Variants in MLLT1 observed in about 807,000 individuals in gnomAD.
The protein encoded by MLLT1 is protein ENL.
A neutral mutation model predicts 55.1 loss-of-function variants in MLLT1; 11 were observed. The ratio of observed to expected loss-of-function variants is 0.20; its 90% CI spans 0.13 to 0.33. The LOEUF is 0.33. Ranked by LOEUF, MLLT1 falls within the 10% of genes least tolerant of loss-of-function variation. The pLI is 1.00. For missense variants in MLLT1, 536 were observed against 760.6 expected, an observed-to-expected ratio of 0.70 and a Z score of 3.47; for synonymous variants, 323 against 320.1, an observed-to-expected ratio of 1.01 and a Z score of -0.10.
chr19:6,227,296 G>A lies in MLLT1; in HGVS notation c.421-194C>T, dbSNP rs1216977419. 1.3e-5 allele frequency among the ~76,000 whole-genome samples: 2 copies of A among 152,142 alleles called. No individual in the cohort carries two copies. Among genetic ancestry groups the A allele is most frequent in the Non-Finnish European group, 2.9e-5 (2 of 68,042 alleles). Reference sequence around the variant, plus strand: ...ACGCAGAAGAAGCAGGCATGGGTGGGGAGCGAAGAAAAGCCCAGGGTCCCA... The same window carrying A: ...ACGCAGAAGAAGCAGGCATGGGTGGAGAGCGAAGAAAAGCCCAGGGTCCCA... On this transcript the variant is annotated intron_variant, in intron 4 of 11. Coordinates refer to ENST00000252674, the MANE Select transcript of MLLT1 (RefSeq NM_005934.4). The surrounding 1 kb of genome is among the most constrained non-coding windows in gnomAD (Gnocchi z 5.1).
intron 3 of MLLT1, among the ~76,000 whole-genome samples, chr19:6,244,765 G>A (rs2091151102): frequency 6.6e-6 from 1 of 152,062 alleles, no homozygotes; most frequent in Admixed American, 6.5e-5. Flanking sequence ...TTAATGAGAG[G>A]GAAGGGCAAA....
At chr19:6,252,055 G>A (rs1368940730) in intron 3 of MLLT1, among the ~76,000 whole-genome samples, 10 of 152,234 alleles carry the variant, frequency 6.6e-5, no homozygotes, top group Admixed American at 2.0e-4. Flanking sequence ...AAGTCGGGCC[G>A]AGGAGGGAAG....
At chr19:6,269,156 C>T (rs1329397761) in intron 2 of MLLT1, among the ~76,000 whole-genome samples, 4 of 152,224 alleles carry the variant, frequency 2.6e-5, no homozygotes, top group Non-Finnish European at 5.9e-5. Flanking sequence ...AACACCTATG[C>T]GGGCGGGCAT....
intron 8 of MLLT1, among the ~76,000 whole-genome samples, chr19:6,214,932 C>T (rs2090824412): frequency 6.6e-6 from 1 of 152,202 alleles, no homozygotes; most frequent in East Asian, 1.9e-4. Context: ...CTTAAACTTG[C>T]CCCTCAGTGG....
At chr19:6,261,526 T>A (rs982151627) in intron 3 of MLLT1, among the ~76,000 whole-genome samples, 7 of 149,426 alleles carry the variant, frequency 4.7e-5, no homozygotes, top group African/African-American at 1.7e-4. Context: ...GCTGCACTTG[T>A]GGGAAAGCAG....
intron 10 of MLLT1, 117 bp from the exon 11 acceptor site, chr19:6,213,525 C>A: frequency 9.2e-7 from 1 of 1,086,852 alleles, no homozygotes; most frequent in Non-Finnish European, 1.4e-6. Flanking sequence ...TAGCCACATC[C>A]AAACCAAGGA....
chr19:6,213,432 G>A, intron 10 of MLLT1, 24 bp from the exon 11 acceptor site: 1 of 1,585,844 alleles, frequency 6.3e-7, no homozygotes, highest in South Asian at 1.1e-5. Flanking sequence ...GCAGGTCTCA[G>A]CAGCGTGTGG....
Position 6,270,315 on chromosome 19 carries a change from C to T in MLLT1, c.193+264G>A, listed in dbSNP as rs1600219527. 6.6e-6 allele frequency among the ~76,000 whole-genome samples: 1 copy of T among 152,384 alleles called. No individual in the cohort carries two copies. The highest frequency in any genetic ancestry group is 6.5e-5 in the Admixed American group (1 of 15,310). ...CTTCACCTGTCCCACCCATGCCAAC[C>T]TGGCTGTGCTCCCTGGCTGCTTCCC... On this transcript the variant is annotated intron_variant, in intron 2 of 11. Transcript: ENST00000252674. This position sits in a 1 kb window ranked among gnomAD's most constrained non-coding sequence, Gnocchi z 7.1.
At chr19:6,249,859 C>T (rs2091199035) in intron 3 of MLLT1, among the ~76,000 whole-genome samples, 1 of 151,958 alleles carries the variant, frequency 6.6e-6, no homozygotes, top group Admixed American at 6.6e-5. Context: ...CTCATCTCTA[C>T]AAAAATACAA....
intron 8 of MLLT1, 75 bp from the exon 9 acceptor site, chr19:6,214,113 CTGCCCCGCACGG>C: frequency 1.1e-6 from 1 of 945,528 alleles, no homozygotes; most frequent in Non-Finnish European, 1.5e-6. Flanking sequence ...GCTCAAGCCT[CTGCCCCGCACGG>C]AGTCGGTGCC....
chr19:6,250,581 C>A (rs1039680877), intron 3 of MLLT1, among the ~76,000 whole-genome samples: 1 of 152,198 alleles, frequency 6.6e-6, no homozygotes, highest in Non-Finnish European at 1.5e-5. Context: ...ACTCATCATG[C>A]CGAATACAAT....
rs1479761986 is a variant in MLLT1 at position 6,226,733 on chromosome 19, G to T, written c.546+244C>A. Among the ~76,000 whole-genome samples, 1 of 152,186 alleles carries T rather than the reference G, an allele frequency of 6.6e-6. No homozygotes were observed. Among genetic ancestry groups the T allele is most frequent in the Admixed American group, 6.5e-5 (1 of 15,288 alleles). On this transcript the variant is annotated intron_variant, in intron 5 of 11. Transcript: ENST00000252674. The surrounding 1 kb of genome is among the most constrained non-coding windows in gnomAD (Gnocchi z 6.3). ...GCCATCACTTGGCAGAACGGGAGAG[G>T]ACTAGGCAGGGTCTCTGGCCTCAAG...
At position 6,227,228 on chromosome 19, in the gene MLLT1, A is replaced by G; in HGVS notation, c.421-126T>C. On this transcript the variant is annotated intron_variant, in intron 4 of 11. Coordinates refer to ENST00000252674, the MANE Select transcript of MLLT1 (RefSeq NM_005934.4). The surrounding 1 kb of genome is among the most constrained non-coding windows in gnomAD (Gnocchi z 5.1). ...AAGGGAGAGCCTGAGCGCTTTCCCG[A>G]AAGAATCCCAGGTGCTTCCCTGCTG... 1 of 996,486 alleles carries G rather than the reference A, an allele frequency of 1.0e-6. No individual in the cohort carries two copies. Among genetic ancestry groups the G allele is most frequent in the South Asian group, 1.8e-5 (1 of 55,380 alleles). The allele number at this position is 996,486 out of a possible 1,614,324, so 61.7% of individuals were successfully genotyped here. A position where few individuals can be genotyped will look rare whatever the true frequency, so the allele number is the denominator to read the frequency against.
rs2091002281 is a variant in MLLT1 at position 6,230,857 on chromosome 19, C to T, written c.277-144G>A. On this transcript the variant is annotated intron_variant, in intron 3 of 11. Transcript: ENST00000252674. This position sits in a 1 kb window ranked among gnomAD's most constrained non-coding sequence, Gnocchi z 9.0. ...ATTTGCGCCCACTTCTCTCTCAGGG[C>T]ACCTCCTGCCCTGCCCTTATTCAAA... 3 of 1,034,558 alleles carry T rather than the reference C, an allele frequency of 2.9e-6. No individual in the cohort carries two copies. Among genetic ancestry groups the T allele is most frequent in the Non-Finnish European group, 4.2e-6 (3 of 706,186 alleles). The allele number at this position is 1,034,558 out of a possible 1,614,324, so 64.1% of individuals were successfully genotyped here.
rs1206615070 is a variant in MLLT1, at chr19:6,270,554, G to T, written c.193+25C>A. ...GAAGACAGATGGGTCCGTGCTGTGG[G>T]CACTCAGGGCTTGAGGCCACTCACC... On this transcript the variant is annotated intron_variant, in intron 2 of 11. Coordinates refer to ENST00000252674, the MANE Select transcript of MLLT1 (RefSeq NM_005934.4). The surrounding 1 kb of genome is among the most constrained non-coding windows in gnomAD (Gnocchi z 7.1). The T allele has an allele frequency of 6.3e-7, 1 of 1,596,540 alleles. No homozygotes were observed. The highest frequency in any genetic ancestry group is 1.1e-5 in the South Asian group (1 of 87,706).
At position 6,213,812 on chromosome 19, in the gene MLLT1, G is replaced by A; in HGVS notation, c.1408-15C>T. The A allele has an allele frequency of 1.9e-6, 3 of 1,613,168 alleles. No homozygotes were observed. Among genetic ancestry groups the A allele is most frequent in the Non-Finnish European group, 1.7e-6 (2 of 1,179,498 alleles). The stretch of plus-strand genomic sequence containing the variant: ...CGGCCTGACACCTGCAGGGAACCCA[G>A]GTCTCTGCTGAGCTGTGGCCCACAC... On this transcript the variant is annotated splice_polypyrimidine_tract_variant and intron_variant, in intron 9 of 11. Transcript: ENST00000252674.
At chr19:6,223,366 C>A (rs553619723) in intron 5 of MLLT1, among the ~76,000 whole-genome samples, 1 of 152,190 alleles carries the variant, frequency 6.6e-6, no homozygotes, top group Non-Finnish European at 1.5e-5. Context: ...CCTAAAACAC[C>A]GAGGACATTC....
chr19:6,213,598 T>C (rs914443511), intron 10 of MLLT1, 128 bp downstream of exon 10: 5 of 1,050,896 alleles, frequency 4.8e-6, no homozygotes, highest in Non-Finnish European at 7.3e-6. Flanking sequence ...GAGGAAGGAC[T>C]GTCCCTGCTC....
intron 4 of MLLT1, among the ~76,000 whole-genome samples, chr19:6,228,885 G>A (rs1199887581): frequency 6.6e-6 from 1 of 152,130 alleles, no homozygotes; most frequent in Non-Finnish European, 1.5e-5. Flanking sequence ...GACCCCCCAC[G>A]GCGCCTGCTT....
Sources: allele counts gnomAD v4.1 joint callset (sites outside exome capture counted in the v4.1 genomes callset), GRCh38; gene constraint gnomAD v4.1.1; non-coding constraint Gnocchi (gnomAD v3.1); transcripts MANE v1.5; gene names NCBI Gene and HGNC (gene_info 2026-07-23, HGNC 2026-07-21).